The following ADGRL3 variants were observed in gnomAD, a reference collection of about 807,000 sequenced individuals.
ADGRL3 encodes the protein adhesion G protein-coupled receptor L3, also known as calcium-independent alpha-latrotoxin receptor 3.
A neutral mutation model predicts 153.5 loss-of-function variants in ADGRL3; 62 were observed. The observed-to-expected ratio is 0.40, with a 90% CI of 0.33 to 0.50. ADGRL3 has a LOEUF of 0.50. Ranked by LOEUF, ADGRL3 falls within the 20% of genes least tolerant of loss-of-function variation. The probability of loss-of-function intolerance (pLI) is 0.47; values close to 1 mark genes in which losing one functional copy is unlikely to be tolerated. For missense variants in ADGRL3, 1,641 were observed against 1,859.4 expected, an observed-to-expected ratio of 0.88 and a Z score of 2.16; for synonymous variants, 710 against 672.5, an observed-to-expected ratio of 1.06 and a Z score of -0.86.
chr4:61,408,790 G>A (rs1448619515), intron 2 of ADGRL3, among the ~76,000 whole-genome samples: 1 of 151,920 alleles, frequency 6.6e-6, no homozygotes, highest in African/African-American at 2.4e-5. Context: ...TTGGAAGTGA[G>A]AAAACACTGA....
At chr4:62,006,003 C>CATATATATATAT (rs1217370949) in intron 21 of ADGRL3, among the ~76,000 whole-genome samples, 1 of 49,018 alleles carries the variant, frequency 2.0e-5, no homozygotes, top group African/African-American at 7.4e-5. Context: ...CACACACACA[C>CATATATATATAT]ATATATATAT....
chr4:62,034,205 G>A (rs975344023), intron 23 of ADGRL3, among the ~76,000 whole-genome samples: 1 of 151,674 alleles, frequency 6.6e-6, no homozygotes, highest in Non-Finnish European at 1.5e-5. Flanking sequence ...TCATCCAGCT[G>A]CCTTTTATTT....
Position 61,417,258 on chromosome 4 carries a change from C to T in ADGRL3, c.-174+34069C>T, listed in dbSNP as rs183567823. 7.2e-5 allele frequency among the ~76,000 whole-genome samples: 11 copies of T among 152,102 alleles called. No homozygotes were observed. In the East Asian group the frequency reaches 1.2e-3, roughly 16 times the overall value. ...CCTGTAATCCCAGCACTTTGGGAGGCGGGCAGATCACTTGATCCCAGGAGT... is the reference window on the plus strand; with the variant it reads ...CCTGTAATCCCAGCACTTTGGGAGGTGGGCAGATCACTTGATCCCAGGAGT... On this transcript the variant is annotated intron_variant, in intron 2 of 26. Coordinates refer to ENST00000683033, the MANE Select transcript of ADGRL3 (RefSeq NM_001387552.1).
chr4:61,896,062 T>C (rs757413055), intron 11 of ADGRL3, among the ~76,000 whole-genome samples: 1 of 152,124 alleles, frequency 6.6e-6, no homozygotes, highest in Non-Finnish European at 1.5e-5. Context: ...TTATTATTAA[T>C]AAAATTTCTC....
chr4:61,983,477 T>C lies in ADGRL3; in HGVS notation c.3110T>C (p.Leu1037Pro), dbSNP rs748633269. 6.2e-7 allele frequency: 1 copy of C among 1,613,984 alleles called. No homozygotes were observed. The highest frequency in any genetic ancestry group is 1.1e-5 in the South Asian group (1 of 91,082). ...GAGGGGGTGCAGCTTTATATCATGC[T>C]GGTGGAGGTTTTTGAGAGTGAACAT... Reference protein sequence around the residue: ...FLEGVQLYIMLVEVFESEHSR... With the variant: ...FLEGVQLYIMPVEVFESEHSR... The change falls in exon 19 of 27, where the codon CTG becomes CCG. Residue 1037 changes from leucine (L) to proline (P), a missense_variant. Transcript: ENST00000683033.
chr4:61,482,438 C>A (rs1433179875), intron 2 of ADGRL3, among the ~76,000 whole-genome samples: 1 of 152,034 alleles, frequency 6.6e-6, no homozygotes, highest in African/African-American at 2.4e-5. Context: ...CTAGCCGGAG[C>A]CAAATATTAA....
In ADGRL3 at chr4:61,625,691, A is replaced by G. The variant is rs549104065; in HGVS notation, c.473+38251A>G. Among the ~76,000 whole-genome samples the G allele has an allele frequency of 3.9e-5, 6 of 152,214 alleles. No homozygotes were observed. In the South Asian group the frequency reaches 1.2e-3, roughly 32 times the overall value. ...ATAATACAAAGCTAAGAATTTGGAT[A>G]GAGGTCAATACAGGGTGATACAGGA... On this transcript the variant is annotated intron_variant, in intron 5 of 26. Transcript: ENST00000683033.
At chr4:61,587,833 AG>A in intron 5 of ADGRL3, among the ~76,000 whole-genome samples, 1 of 152,204 alleles carries the variant, frequency 6.6e-6, no homozygotes, top group Non-Finnish European at 1.5e-5. Context: ...AGGGAAAAAA[AG>A]AAGTAAAAAT....
intron 8 of ADGRL3, among the ~76,000 whole-genome samples, chr4:61,744,592 C>T (rs1044974385): frequency 1.3e-5 from 2 of 152,204 alleles, no homozygotes; most frequent in African/African-American, 4.8e-5. Context: ...GCTGCTGGTA[C>T]CCAGGCAAAC....
chr4:61,645,128 AT>A (rs138058631), intron 5 of ADGRL3, among the ~76,000 whole-genome samples: 150,421 of 151,716 alleles, frequency 0.99, 74,585 homozygotes, highest in Middle Eastern at 1. Flanking sequence ...TTTGTTTTCC[AT>A]TTTTTTTGGT....
At chr4:61,699,532 G>A (rs1414417869) in intron 6 of ADGRL3, among the ~76,000 whole-genome samples, 1 of 152,018 alleles carries the variant, frequency 6.6e-6, no homozygotes, top group Non-Finnish European at 1.5e-5. Context: ...ATGGATTGTT[G>A]CAGAAGTTTG....
chr4:61,974,332 G>A (rs2099040486), intron 17 of ADGRL3, among the ~76,000 whole-genome samples: 1 of 152,076 alleles, frequency 6.6e-6, no homozygotes, highest in Non-Finnish European at 1.5e-5. Flanking sequence ...AACTAAGCTG[G>A]AAATGTTATA....
At chr4:61,371,874 G>T (rs887810590) in intron 1 of ADGRL3, among the ~76,000 whole-genome samples, 6 of 152,186 alleles carry the variant, frequency 3.9e-5, no homozygotes, top group African/African-American at 1.4e-4. Flanking sequence ...ACACCAAGCA[G>T]ATGTAGATTT....
At chr4:61,553,171 C>T (rs2098748205) in intron 4 of ADGRL3, among the ~76,000 whole-genome samples, 1 of 152,322 alleles carries the variant, frequency 6.6e-6, no homozygotes, top group South Asian at 2.1e-4. Flanking sequence ...ACAGATCTCT[C>T]TTAATCAAAC....
chr4:62,066,857 A>G (rs1209511602), intron 25 of ADGRL3, among the ~76,000 whole-genome samples: 1 of 152,064 alleles, frequency 6.6e-6, no homozygotes, highest in African/African-American at 2.4e-5. Context: ...GAAGTCTGGA[A>G]GACTTTTTTC....
intron 8 of ADGRL3, among the ~76,000 whole-genome samples, chr4:61,798,138 T>C (rs1471571765): frequency 6.6e-6 from 1 of 151,672 alleles, no homozygotes; most frequent in East Asian, 1.9e-4. Flanking sequence ...TCTGAAACAA[T>C]TTTTTTTTAC....
chr4:61,645,334 T>C (rs1283274708), intron 5 of ADGRL3, among the ~76,000 whole-genome samples: 1 of 151,476 alleles, frequency 6.6e-6, no homozygotes, highest in Admixed American at 6.6e-5. Context: ...CATTATGATG[T>C]TAGCTGGTGA....
At chr4:61,251,077 A>G (rs923197197) in intron 1 of ADGRL3, among the ~76,000 whole-genome samples, 12 of 152,178 alleles carry the variant, frequency 7.9e-5, no homozygotes, top group African/African-American at 2.9e-4. Context: ...TAAAACAACT[A>G]CTGTTTTATT....
intron 9 of ADGRL3, among the ~76,000 whole-genome samples, chr4:61,826,722 G>C (rs1236370473): frequency 6.6e-6 from 1 of 151,946 alleles, no homozygotes; most frequent in Non-Finnish European, 1.5e-5. Context: ...TTAGAGAGAG[G>C]TAAATCCAAT....
Sources: gnomAD v4.1 joint callset for allele counts (sites outside exome capture counted in the v4.1 genomes callset) on GRCh38, gnomAD v4.1.1 for gene constraint, MANE v1.5 for transcripts, NCBI Gene and HGNC (gene_info 2026-07-23, HGNC 2026-07-21) for gene names.